The following SPOP variants were observed in gnomAD, a reference collection of about 807,000 sequenced individuals.
SPOP encodes the protein speckle-type POZ protein.
In SPOP, 11 loss-of-function variants were observed where a neutral mutation model predicts 45.6. That is an observed-to-expected ratio of 0.24 (90% CI 0.15 to 0.40). The LOEUF is 0.40. SPOP is among the 10% of genes least tolerant of loss of function. SPOP has a pLI of 1.00. For synonymous variants in SPOP, 166 were observed against 166.3 expected, an observed-to-expected ratio of 1.00 and a Z score of 0.01; for missense variants, 152 against 465.6, an observed-to-expected ratio of 0.33 and a Z score of 6.20.
intron 1 of SPOP, among the ~76,000 whole-genome samples, chr17:49,634,727 C>T (rs2072512649): frequency 6.6e-6 from 1 of 152,160 alleles, no homozygotes; most frequent in African/African-American, 2.4e-5. Flanking sequence ...TCTCTTTGGC[C>T]ATCTATACTT....
chr17:49,618,949 ACTGCTAGTCT>A, intron 5 of SPOP, 22 bp downstream of exon 5: 1 of 1,595,708 alleles, frequency 6.3e-7, no homozygotes, highest in Non-Finnish European at 8.5e-7. Flanking sequence ...AGATCTGGGA[ACTGCTAGTCT>A]CAGCAGAATA....
rs1378409602 is a variant in SPOP at position 49,607,375 on chromosome 17, A to G, written c.715-3T>C. 2.5e-6 allele frequency: 4 copies of G among 1,611,252 alleles called. No individual in the cohort carries two copies. In the African/African-American group the frequency reaches 5.3e-5, roughly 22 times the overall value. On this transcript the variant is annotated splice_polypyrimidine_tract_variant and splice_region_variant and intron_variant, in intron 7 of 9. Coordinates refer to ENST00000504102, the MANE Select transcript of SPOP (RefSeq NM_001007228.2). Reference sequence around the variant, plus strand: ...ACATCATTGATTTCAACTCGATTCTATGCCAGAAAAACTGAATATGAGAAA... The same window carrying G: ...ACATCATTGATTTCAACTCGATTCTGTGCCAGAAAAACTGAATATGAGAAA...
At position 49,619,304 on chromosome 17, in the gene SPOP, T is replaced by C; in HGVS notation, c.282A>G (p.Pro94=). The part of the protein sequence containing the change: ...LSLYLLLVSC[P]KSEVRAKFKF... ...TGAATTTTGCCCGAACTTCACTCTT[T>C]GGACAGCTGACCAGTAACAGGTAAA... The change falls in exon 4 of 10, where the codon CCA becomes CCG. Residue 94 remains proline (P), a synonymous_variant. Coordinates refer to ENST00000504102, the MANE Select transcript of SPOP (RefSeq NM_001007228.2). This position sits in a 1 kb window ranked among gnomAD's most constrained non-coding sequence, Gnocchi z 4.9. The C allele has an allele frequency of 6.2e-7, 1 of 1,614,186 alleles. No homozygotes were observed. Among genetic ancestry groups the C allele is most frequent in the Middle Eastern group, 1.6e-4 (1 of 6,062 alleles).
rs1303589744 is a variant in SPOP at position 49,599,590 on chromosome 17, A to T, written c.*788T>A. ...AAAAATGCCCAAAAACATTTTCCACAATATCTAAAAACAGAGAACCATAGT... is the reference window on the plus strand; with the variant it reads ...AAAAATGCCCAAAAACATTTTCCACTATATCTAAAAACAGAGAACCATAGT... On this transcript the variant is annotated 3_prime_UTR_variant, in exon 10 of 10. Transcript: ENST00000504102. 1 of 217,382 alleles carries T rather than the reference A, an allele frequency of 4.6e-6. No homozygotes were observed. Among genetic ancestry groups the T allele is most frequent in the African/African-American group, 2.3e-5 (1 of 44,380 alleles). 13.5% of individuals were successfully genotyped at this position (217,382 alleles called of 1,614,324 possible).
chr17:49,641,338 T>G (rs2072646888), intron 1 of SPOP, among the ~76,000 whole-genome samples: 2 of 151,764 alleles, frequency 1.3e-5, no homozygotes, highest in South Asian at 2.1e-4. Context: ...CTTCATCATT[T>G]TTTTTTCTAT....
At chr17:49,674,645 TTCTCACCAGAATAACAGCA>T (rs1349996701) in intron 1 of SPOP, among the ~76,000 whole-genome samples, 1 of 152,210 alleles carries the variant, frequency 6.6e-6, no homozygotes, top group African/African-American at 2.4e-5. Context: ...GCTTTTCAAT[TTCTCACCAGAATAACAGCA>T]GTTTACTTGG....
At chr17:49,623,457 A>C (rs893470077) in intron 1 of SPOP, among the ~76,000 whole-genome samples, 1 of 152,222 alleles carries the variant, frequency 6.6e-6, no homozygotes, top group Non-Finnish European at 1.5e-5. Flanking sequence ...AAGTATATCT[A>C]TGAAAAGGCT....
chr17:49,627,484 G>A (rs2072358315), intron 1 of SPOP, among the ~76,000 whole-genome samples: 2 of 152,134 alleles, frequency 1.3e-5, no homozygotes, highest in South Asian at 4.1e-4. Context: ...GGCAATGAAG[G>A]TTTGATTTTA....
chr17:49,636,867 C>A (rs2072551645), intron 1 of SPOP: 1 of 152,138 alleles, frequency 6.6e-6, no homozygotes, highest in African/African-American at 2.4e-5. Flanking sequence ...TCATACAAGT[C>A]TTTACTTACT....
At chr17:49,653,719 C>CA (rs568818250) in intron 1 of SPOP, among the ~76,000 whole-genome samples, 16 of 148,866 alleles carry the variant, frequency 1.1e-4, no homozygotes, top group African/African-American at 2.0e-4. Flanking sequence ...AGAGTGGGTA[C>CA]AAAAAAAACC....
At chr17:49,641,289 A>C (rs1186695291) in intron 1 of SPOP, among the ~76,000 whole-genome samples, 1 of 150,040 alleles carries the variant, frequency 6.7e-6, no homozygotes, top group Non-Finnish European at 1.5e-5. Context: ...AAAAAAAAAA[A>C]AGCAATTCCC....
intron 6 of SPOP, among the ~76,000 whole-genome samples, chr17:49,608,670 T>A (rs1355721833): frequency 6.6e-6 from 1 of 152,140 alleles, no homozygotes; most frequent in Non-Finnish European, 1.5e-5. Context: ...TCTAGTCCAA[T>A]GAACACCATG....
chr17:49,605,806 G>A (rs981362184), intron 8 of SPOP, among the ~76,000 whole-genome samples: 3 of 151,994 alleles, frequency 2.0e-5, no homozygotes, highest in Admixed American at 2.0e-4. Context: ...TGACCAACAT[G>A]GCGAAACCCC....
Position 49,642,683 on chromosome 17 carries a change from T to C in SPOP, c.-66-19807A>G, listed in dbSNP as rs571477095. On this transcript the variant is annotated intron_variant, in intron 1 of 9. Coordinates refer to ENST00000504102, the MANE Select transcript of SPOP (RefSeq NM_001007228.2). ...GGGAAAACGAACCCTACAGTGTTAG[T>C]GTTCCATATAAGAGCATCATTTTCT... Among the ~76,000 whole-genome samples, 8 of 152,362 alleles carry C rather than the reference T, an allele frequency of 5.3e-5. 1 individual carries two copies. The highest frequency in any genetic ancestry group is 5.2e-4 in the Admixed American group (8 of 15,304).
chr17:49,619,522 T>C lies in SPOP; in HGVS notation c.201-137A>G, dbSNP rs985684256. 46 of 1,007,278 alleles carry C rather than the reference T, an allele frequency of 4.6e-5. No individual in the cohort carries two copies. The Middle Eastern group carries it at 1.3e-3, about 28-fold the overall frequency. The allele number at this position is 1,007,278 out of a possible 1,614,324, so 62.4% of individuals were successfully genotyped here. A position where few individuals can be genotyped will look rare whatever the true frequency, so the allele number is the denominator to read the frequency against. ...GAATATAATTCAGTAGAATGACTAG[T>C]TGGGAACAACTTTTTTCTCTTTTTT... is the stretch of plus-strand genomic sequence containing the variant. On this transcript the variant is annotated intron_variant, in intron 3 of 9. Coordinates refer to ENST00000504102, the MANE Select transcript of SPOP (RefSeq NM_001007228.2). The surrounding 1 kb of genome is among the most constrained non-coding windows in gnomAD (Gnocchi z 4.9).
chr17:49,665,292 T>C (rs1411394891), intron 1 of SPOP, among the ~76,000 whole-genome samples: 2 of 152,080 alleles, frequency 1.3e-5, no homozygotes, highest in African/African-American at 4.8e-5. Context: ...TGTGAATATA[T>C]TTTGGACAAC....
At chr17:49,607,144 A>G (rs1334831304) in intron 8 of SPOP, 106 bp downstream of exon 8, 1 of 1,491,400 alleles carries the variant, frequency 6.7e-7, no homozygotes, top group African/African-American at 1.4e-5. Context: ...TGGCCAAACC[A>G]AGATATATGC....
At chr17:49,608,755 C>G (rs1292464995) in intron 6 of SPOP, among the ~76,000 whole-genome samples, 1 of 152,090 alleles carries the variant, frequency 6.6e-6, no homozygotes, top group Non-Finnish European at 1.5e-5. Flanking sequence ...TCAAATAAAT[C>G]AGGGGTTCTG....
intron 1 of SPOP, among the ~76,000 whole-genome samples, chr17:49,632,147 A>C (rs1431438842): frequency 6.6e-6 from 1 of 152,218 alleles, no homozygotes; most frequent in Non-Finnish European, 1.5e-5. Context: ...CTAGTTAATA[A>C]ATTAAAGTTT....
Sources: allele counts gnomAD v4.1 joint callset (sites outside exome capture counted in the v4.1 genomes callset), GRCh38; gene constraint gnomAD v4.1.1; non-coding constraint Gnocchi (gnomAD v3.1); transcripts MANE v1.5; gene names NCBI Gene and HGNC (gene_info 2026-07-23, HGNC 2026-07-21).